DNAH10: variants seen among roughly 807,000 people sequenced by gnomAD.
The protein encoded by DNAH10 is dynein axonemal heavy chain 10, also known as axonemal beta dynein heavy chain 10.
In DNAH10, 348 loss-of-function variants were observed where a neutral mutation model predicts 506.6. The observed-to-expected ratio is 0.69, with a 90% CI of 0.63 to 0.75. The LOEUF (loss-of-function observed/expected upper bound fraction) is 0.75. Among genes scored for constraint, DNAH10 ranks in the 30% least tolerant of loss-of-function variants. The probability of loss-of-function intolerance (pLI) is 0.00; values close to 1 mark genes in which losing one functional copy is unlikely to be tolerated. For missense variants in DNAH10, 5,179 were observed against 5,787.1 expected (o/e 0.89, Z 3.41); for synonymous variants, 2,059 against 2,198.6 (o/e 0.94, Z 1.78).
At position 123,926,529 on chromosome 12, in the gene DNAH10, G is replaced by A; in HGVS notation, c.11922-108G>A. 1 of 1,184,274 alleles carries A rather than the reference G, an allele frequency of 8.4e-7. No homozygotes were observed. The highest frequency in any genetic ancestry group is 1.2e-6 in the Non-Finnish European group (1 of 848,954). 73.4% of individuals were successfully genotyped at this position (1,184,274 alleles called of 1,614,324 possible). A position where few individuals can be genotyped will look rare whatever the true frequency, so the allele number is the denominator to read the frequency against. On this transcript the variant is annotated intron_variant, in intron 68 of 78. Coordinates refer to ENST00000673944, the MANE Select transcript of DNAH10 (RefSeq NM_001372106.1). This position sits in a 1 kb window ranked among gnomAD's most constrained non-coding sequence, Gnocchi z 4.1. ...CTGCAACGAGCTATCCCAGAGGAGT[G>A]GTCAGAAGGTTCTGGACACCGGAGG... is the stretch of plus-strand genomic sequence containing the variant.
At chr12:123,891,326 A>G (rs1218283939) in intron 52 of DNAH10, among the ~76,000 whole-genome samples, 1 of 152,140 alleles carries the variant, frequency 6.6e-6, no homozygotes, top group Non-Finnish European at 1.5e-5. Context: ...TGTAAAGACA[A>G]TTTCCAAATA....
rs368073613 is a variant in DNAH10 at position 123,929,988 on chromosome 12, G to C, written c.12612+229G>C. The C allele has an allele frequency of 1.8e-5, 11 of 599,962 alleles. No individual in the cohort carries two copies. In the East Asian group the frequency reaches 3.0e-4, roughly 17 times the overall value. The allele number at this position is 599,962 out of a possible 1,614,324, so 37.2% of individuals were successfully genotyped here. A position where few individuals can be genotyped will look rare whatever the true frequency, so the allele number is the denominator to read the frequency against. Reference sequence around the variant, plus strand: ...ATCCATGGCTGGGGATCCAGGCAAGGCATCCTCTAGCCCCTTGCCTCAGCT... The same window carrying C: ...ATCCATGGCTGGGGATCCAGGCAAGCCATCCTCTAGCCCCTTGCCTCAGCT... On this transcript the variant is annotated intron_variant, in intron 72 of 78. Coordinates refer to ENST00000673944, the MANE Select transcript of DNAH10 (RefSeq NM_001372106.1).
In DNAH10 at chr12:123,928,329, G is replaced by C. The variant is rs958592191; in HGVS notation, c.12106-58G>C. On this transcript the variant is annotated intron_variant, in intron 69 of 78. Coordinates refer to ENST00000673944, the MANE Select transcript of DNAH10 (RefSeq NM_001372106.1). This position sits in a 1 kb window ranked among gnomAD's most constrained non-coding sequence, Gnocchi z 4.9. ...TGTGGGTGTGGAGTGGGTCTCTGGA[G>C]AGCACGGGGTTGGGTTTGGATGCCA... 16 of 1,534,398 alleles carry C rather than the reference G, an allele frequency of 1.0e-5. No individual in the cohort carries two copies. The highest frequency in any genetic ancestry group is 2.0e-5 in the Admixed American group (1 of 50,520).
intron 54 of DNAH10, among the ~76,000 whole-genome samples, chr12:123,896,001 T>C (rs575380602): frequency 6.6e-6 from 1 of 151,790 alleles, no homozygotes; most frequent in Admixed American, 6.6e-5. Context: ...TAATCCCAGC[T>C]ACTCAGGAGG....
Position 123,820,570 on chromosome 12 carries a change from T to C in DNAH10, c.4001-10T>C. On this transcript the variant is annotated splice_polypyrimidine_tract_variant and intron_variant, in intron 23 of 78. Transcript: ENST00000673944. ...GTATTTATTCACTCATCGGTGTATT[T>C]ATTTACTAGGAGTAGAGCTTTTAGG... is the stretch of plus-strand genomic sequence containing the variant. 1 of 1,611,868 alleles carries C rather than the reference T, an allele frequency of 6.2e-7. No homozygotes were observed. Among genetic ancestry groups the C allele is most frequent in the East Asian group, 2.2e-5 (1 of 44,858 alleles).
At position 123,830,575 on chromosome 12, in the gene DNAH10, C is replaced by A. The variant is rs755587566; in HGVS notation, c.4421C>A (p.Ser1474Tyr). Reference sequence around the variant, plus strand: ...TGGAAAGAACTTATGGAAAAAACGTCTGTCTTTTTTGAAATGACCGAAACG... The same window carrying A: ...TGGAAAGAACTTATGGAAAAAACGTATGTCTTTTTTGAAATGACCGAAACG... ...RHWKELMEKT[S>Y]VFFEMTETFT... Residue 1474 changes from serine (S) to tyrosine (Y), a missense_variant, in exon 26 of 79, where the codon TCT becomes TAT. By Grantham distance (144) the Ser-to-Tyr change is moderately radical. Transcript: ENST00000673944. The A allele has an allele frequency of 6.2e-7, 1 of 1,613,526 alleles. No homozygotes were observed. The highest frequency in any genetic ancestry group is 1.7e-5 in the Admixed American group (1 of 59,940).
At position 123,845,878 on chromosome 12, in the gene DNAH10, T is replaced by C; in HGVS notation, c.5630+9T>C. 6.2e-7 allele frequency: 1 copy of C among 1,613,348 alleles called. No homozygotes were observed. Among genetic ancestry groups the C allele is most frequent in the Non-Finnish European group, 8.5e-7 (1 of 1,179,268 alleles). ...TCTTTCATAAGAGGCAGGTGAGCAT[T>C]TTCCGGGGTCACTGGCATTTCAAAA... On this transcript the variant is annotated intron_variant, in intron 31 of 78. Coordinates refer to ENST00000673944, the MANE Select transcript of DNAH10 (RefSeq NM_001372106.1).
At chr12:123,766,208 T>G (rs988928823) in intron 1 of DNAH10, among the ~76,000 whole-genome samples, 1 of 151,960 alleles carries the variant, frequency 6.6e-6, no homozygotes, top group Admixed American at 6.6e-5. Context: ...CCTACCTACA[T>G]GTCTGTTTAT....
chr12:123,925,367 T>C lies in DNAH10; in HGVS notation c.11921+163T>C. On this transcript the variant is annotated intron_variant, in intron 68 of 78. Coordinates refer to ENST00000673944, the MANE Select transcript of DNAH10 (RefSeq NM_001372106.1). This position sits in a 1 kb window ranked among gnomAD's most constrained non-coding sequence, Gnocchi z 4.0. ...GCCGATATTCTAGAATTCTTCAATA[T>C]TCTAGAACAGTGCTAGTCATAAGAA... is the stretch of plus-strand genomic sequence containing the variant. The C allele has an allele frequency of 1.0e-6, 1 of 980,712 alleles. No individual in the cohort carries two copies. The highest frequency in any genetic ancestry group is 1.5e-6 in the Non-Finnish European group (1 of 683,018). The allele number at this position is 980,712 out of a possible 1,614,324, so 60.8% of individuals were successfully genotyped here. A position where few individuals can be genotyped will look rare whatever the true frequency, so the allele number is the denominator to read the frequency against.
chr12:123,772,386 G>A (rs764620712), intron 3 of DNAH10, among the ~76,000 whole-genome samples: 5 of 152,216 alleles, frequency 3.3e-5, no homozygotes, highest in South Asian at 2.1e-4. Flanking sequence ...GCCGAAGGCC[G>A]GTTCTGAAGA....
chr12:123,873,802 C>T (rs1421657169), intron 46 of DNAH10, 92 bp downstream of exon 46: 28 of 1,445,896 alleles, frequency 1.9e-5, no homozygotes, highest in Admixed American at 2.7e-5. Flanking sequence ...AGTATGAGAA[C>T]ATTGATCTTT....
chr12:123,889,166 G>A (rs1055336542), intron 52 of DNAH10, among the ~76,000 whole-genome samples: 7 of 152,166 alleles, frequency 4.6e-5, no homozygotes, highest in East Asian at 1.9e-4. Flanking sequence ...CCCTGCTTCC[G>A]CCCTTCTCGT....
chr12:123,844,767 T>C (rs535256148), intron 30 of DNAH10, among the ~76,000 whole-genome samples: 1 of 152,280 alleles, frequency 6.6e-6, no homozygotes, highest in East Asian at 1.9e-4. Flanking sequence ...GCCTCCTGAA[T>C]AGCTGGGACC....
chr12:123,930,525 G>T lies in DNAH10; in HGVS notation c.12736G>T (p.Glu4246Ter). 1 of 1,609,926 alleles carries T rather than the reference G, an allele frequency of 6.2e-7. No individual in the cohort carries two copies. Among genetic ancestry groups the T allele is most frequent in the Non-Finnish European group, 8.5e-7 (1 of 1,178,728 alleles). Residue 4246 changes from glutamate to a stop codon, truncating the protein, a stop_gained, in exon 73 of 79, where the codon GAA becomes TAA. Coordinates refer to ENST00000673944, the MANE Select transcript of DNAH10 (RefSeq NM_001372106.1). LOFTEE classifies it high-confidence loss of function. Reference protein sequence around the residue: ...FQPFHFFRNKEVDYKIPVGDE... With the variant: ...FQPFHFFRNK ...GCCATTCCACTTCTTCCGGAACAAG[G>T]AAGTGGACTACAAAATCCCTGTTGG...
At chr12:123,872,828 C>G (rs1002924835) in intron 45 of DNAH10, among the ~76,000 whole-genome samples, 1 of 152,150 alleles carries the variant, frequency 6.6e-6, no homozygotes, top group Non-Finnish European at 1.5e-5. Context: ...AATAGCAAAA[C>G]AAAAACACCC....
Position 123,871,478 on chromosome 12 carries a change from G to T in DNAH10, c.7661G>T (p.Arg2554Leu), listed in dbSNP as rs201908206. Residue 2554 changes from arginine to leucine, a missense_variant, in exon 45 of 79, where the codon CGG becomes CTG. Transcript: ENST00000673944. Reference protein sequence around the residue: ...NILVHTVDTTRTTWILEQMVK... With the variant: ...NILVHTVDTTLTTWILEQMVK... ...TTAGTTCACACAGTGGATACCACTC[G>T]GACTACCTGGATATTGGAACAAATG... 481 of 1,582,832 alleles carry T rather than the reference G, an allele frequency of 3.0e-4. 3 individuals are homozygous for T. The Middle Eastern group carries it at 6.0e-3, about 20-fold the overall frequency.
chr12:123,818,182 G>A (rs1261450214), intron 21 of DNAH10, among the ~76,000 whole-genome samples: 1 of 152,052 alleles, frequency 6.6e-6, no homozygotes, highest in Non-Finnish European at 1.5e-5. Context: ...CCTGACCTCA[G>A]GTGATCCGCC....
In DNAH10 at chr12:123,771,667, A is replaced by G; in HGVS notation, c.365A>G (p.Asp122Gly). The change falls in exon 3 of 79, where the codon GAC (aspartate) becomes GGC (glycine). Residue 122 changes from aspartate (D) to glycine (G), a missense_variant. By Grantham distance (94) the Asp-to-Gly change is moderately conservative. Coordinates refer to ENST00000673944, the MANE Select transcript of DNAH10 (RefSeq NM_001372106.1). ...QPLNREDEEM[D>G]KEISEKLPSK... ...CTAAACAGAGAGGATGAAGAAATGGACAAAGAGATTTCAGAAAAACTCCCT... is the reference window on the plus strand; with the variant it reads ...CTAAACAGAGAGGATGAAGAAATGGGCAAAGAGATTTCAGAAAAACTCCCT... 6.2e-7 allele frequency: 1 copy of G among 1,613,136 alleles called. No homozygotes were observed. Among genetic ancestry groups the G allele is most frequent in the South Asian group, 1.1e-5 (1 of 90,716 alleles).
chr12:123,828,328 G>A (rs116023202), intron 25 of DNAH10, among the ~76,000 whole-genome samples: 2,531 of 152,274 alleles, frequency 0.017, 74 homozygotes, highest in African/African-American at 0.057. Context: ...TGGCTTGCCA[G>A]TCAAAACAGG....
Sources: gnomAD v4.1 joint callset for allele counts (sites outside exome capture counted in the v4.1 genomes callset) on GRCh38, gnomAD v4.1.1 for gene constraint, Gnocchi (gnomAD v3.1) non-coding constraint, MANE v1.5 for transcripts, NCBI Gene and HGNC (gene_info 2026-07-23, HGNC 2026-07-21) for gene names.